Variants in TEAD1 observed in about 807,000 individuals in gnomAD.
TEAD1 encodes the protein transcriptional enhancer factor TEF-1.
Under a neutral mutation model 54.9 loss-of-function variants are expected in TEAD1, and 9 were observed. The observed-to-expected ratio is 0.16, with a 90% CI of 0.10 to 0.29. The LOEUF is 0.29. Among genes scored for constraint, TEAD1 ranks in the 10% least tolerant of loss-of-function variants. The pLI, the probability that TEAD1 is intolerant of heterozygous loss-of-function variation, is 1.00. For synonymous variants in TEAD1, 200 were observed against 187.8 expected, an observed-to-expected ratio of 1.07 and a Z score of -0.53; for missense variants, 387 against 535.9, an observed-to-expected ratio of 0.72 and a Z score of 2.74.
intron 2 of TEAD1, among the ~76,000 whole-genome samples, chr11:12,696,706 C>T (rs1943591459): frequency 6.6e-6 from 1 of 151,986 alleles, no homozygotes; most frequent in Admixed American, 6.5e-5. Flanking sequence ...GGTGTTTGGC[C>T]GACTAGTTTG....
chr11:12,715,092 C>T (rs1944027782), intron 2 of TEAD1, among the ~76,000 whole-genome samples: 1 of 152,150 alleles, frequency 6.6e-6, no homozygotes, highest in South Asian at 2.1e-4. Context: ...ACACAAAAAT[C>T]TCTACCCTTA....
At chr11:12,752,213 G>GTTTTT (rs35143229) in intron 2 of TEAD1, among the ~76,000 whole-genome samples, 42 of 101,016 alleles carry the variant, frequency 4.2e-4, no homozygotes, top group African/African-American at 1.2e-3. Flanking sequence ...AAACAGGGCA[G>GTTTTT]TTTTTTTTTT....
intron 10 of TEAD1, among the ~76,000 whole-genome samples, chr11:12,907,134 T>A (rs749246800): frequency 6.6e-6 from 1 of 152,112 alleles, no homozygotes; most frequent in Non-Finnish European, 1.5e-5. Context: ...TCTTAGGGGT[T>A]CTTCTCCTTC....
intron 10 of TEAD1, among the ~76,000 whole-genome samples, chr11:12,902,495 G>T (rs966713928): frequency 3.3e-5 from 5 of 152,140 alleles, no homozygotes; most frequent in African/African-American, 1.2e-4. Context: ...GACGGGCAAA[G>T]TCCCCTGGCT....
chr11:12,820,849 T>C (rs950600466), intron 3 of TEAD1, among the ~76,000 whole-genome samples: 2 of 152,184 alleles, frequency 1.3e-5, no homozygotes, highest in Non-Finnish European at 2.9e-5. Context: ...GCGAACAATT[T>C]TAAGATGACG....
At chr11:12,895,199 A>ACC (rs547810779) in intron 9 of TEAD1, among the ~76,000 whole-genome samples, 12,664 of 150,022 alleles carry the variant, frequency 0.084, 663 homozygotes, top group South Asian at 0.2. Flanking sequence ...TCCTTTATTA[A>ACC]CCCCCCCCGG....
intron 2 of TEAD1, among the ~76,000 whole-genome samples, chr11:12,687,675 T>G (rs904136537): frequency 1.3e-5 from 2 of 152,170 alleles, no homozygotes; most frequent in Non-Finnish European, 2.9e-5. Context: ...AATACTTGTG[T>G]TTTCTTGGTG....
intron 3 of TEAD1, among the ~76,000 whole-genome samples, chr11:12,770,512 C>T (rs1226314833): frequency 6.6e-6 from 1 of 152,128 alleles, no homozygotes; most frequent in East Asian, 1.9e-4. Context: ...AAAAAGCTGA[C>T]CTGTGTGAGC....
intron 5 of TEAD1, among the ~76,000 whole-genome samples, chr11:12,873,868 G>A (rs1318952981): frequency 6.6e-6 from 1 of 152,244 alleles, no homozygotes; most frequent in East Asian, 1.9e-4. Flanking sequence ...TCTTAGGAAA[G>A]TATTTTGTGT....
chr11:12,864,587 A>C, intron 4 of TEAD1: 96 of 833,492 alleles, frequency 1.2e-4, no homozygotes, highest in Middle Eastern at 4.6e-4. Flanking sequence ...AAACCCTCCC[A>C]AAGAGTAGCG....
chr11:12,777,323 G>GT (rs1409909019), intron 3 of TEAD1, among the ~76,000 whole-genome samples: 2 of 152,090 alleles, frequency 1.3e-5, no homozygotes, highest in Non-Finnish European at 2.9e-5. Context: ...AATAAGCTGA[G>GT]TTTTTTTGGC....
rs553441680 is a variant in TEAD1 at position 12,771,825 on chromosome 11, G to C, written c.202+7391G>C. ...GGCATGGATATTAAATGGAATGTCT[G>C]TAGCACTGGGAGAGTAAAGTGATTG... On this transcript the variant is annotated intron_variant, in intron 3 of 12. Transcript: ENST00000527636. Among the ~76,000 whole-genome samples, 224 of 152,312 alleles carry C rather than the reference G, an allele frequency of 1.5e-3. 1 individual carries two copies. Among genetic ancestry groups the C allele is most frequent in the African/African-American group, 5.1e-3 (213 of 41,558 alleles).
At chr11:12,732,449 T>TGA (rs1944443698) in intron 2 of TEAD1, among the ~76,000 whole-genome samples, 1 of 152,162 alleles carries the variant, frequency 6.6e-6, no homozygotes, top group Admixed American at 6.5e-5. Flanking sequence ...ACTCTGGGGA[T>TGA]GAGGGCTTGG....
chr11:12,768,724 G>T (rs1227971477), intron 3 of TEAD1, among the ~76,000 whole-genome samples: 14 of 152,190 alleles, frequency 9.2e-5, no homozygotes, highest in East Asian at 1.9e-4. Context: ...TGTGCTAGGG[G>T]TTGTCAGGGA....
intron 10 of TEAD1, among the ~76,000 whole-genome samples, chr11:12,908,886 T>TTTTGTTGTTTTTTG (rs66615304): frequency 7.5e-6 from 1 of 133,972 alleles, no homozygotes; most frequent in Non-Finnish European, 1.6e-5. Context: ...ATTATCTGTT[T>TTTTGTTGTTTTTTG]TTTTTTTTTT....
chr11:12,798,395 C>T (rs561416146), intron 3 of TEAD1, among the ~76,000 whole-genome samples: 2 of 152,124 alleles, frequency 1.3e-5, no homozygotes, highest in Non-Finnish European at 2.9e-5. Context: ...TGATTTTTAA[C>T]GTATAATGTG....
At chr11:12,801,589 G>C (rs1021558457) in intron 3 of TEAD1, among the ~76,000 whole-genome samples, 2 of 152,180 alleles carry the variant, frequency 1.3e-5, no homozygotes, top group African/African-American at 4.8e-5. Context: ...GCTCAAAGGG[G>C]TTTTCACAGA....
chr11:12,866,417 G>C (rs562870255), intron 5 of TEAD1, among the ~76,000 whole-genome samples: 1 of 152,196 alleles, frequency 6.6e-6, no homozygotes, highest in South Asian at 2.1e-4. Context: ...GAGGAATAAA[G>C]CTCTTCTGTT....
At chr11:12,709,815 TA>T (rs1943896378) in intron 2 of TEAD1, among the ~76,000 whole-genome samples, 1 of 152,166 alleles carries the variant, frequency 6.6e-6, no homozygotes, top group Non-Finnish European at 1.5e-5. Flanking sequence ...AGTTGTGAGT[TA>T]CCATGCCCAG....
Sources: gnomAD v4.1 joint callset for allele counts (sites outside exome capture counted in the v4.1 genomes callset) on GRCh38, gnomAD v4.1.1 for gene constraint, MANE v1.5 for transcripts, NCBI Gene and HGNC (gene_info 2026-07-23, HGNC 2026-07-21) for gene names.